Variants in PPFIA2 observed in about 807,000 individuals in gnomAD.
The protein encoded by PPFIA2 is liprin-alpha-2.
In PPFIA2, 46 loss-of-function variants were observed where a neutral mutation model predicts 175.5. That is an observed-to-expected ratio of 0.26 (90% confidence interval 0.21 to 0.34). PPFIA2 has a LOEUF of 0.34. Ranked by LOEUF, PPFIA2 falls within the 10% of genes least tolerant of loss-of-function variation. The pLI is 1.00. For synonymous variants in PPFIA2, 568 were observed against 511.4 expected (o/e 1.11, Z -1.49); for missense variants, 1,179 against 1,506.1 (o/e 0.78, Z 3.60).
At chr12:81,531,012 T>C (rs2064461527) in intron 4 of PPFIA2, among the ~76,000 whole-genome samples, 1 of 151,890 alleles carries the variant, frequency 6.6e-6, no homozygotes, top group South Asian at 2.1e-4. Context: ...ATCTAAGTTG[T>C]TTGACAGACA....
chr12:81,506,810 C>T (rs2061223249), intron 4 of PPFIA2, among the ~76,000 whole-genome samples: 1 of 152,190 alleles, frequency 6.6e-6, no homozygotes, highest in Admixed American at 6.5e-5. Context: ...TGCCACTCAA[C>T]TCTGATGTTA....
At chr12:81,702,361 G>A (rs2076601397) in intron 3 of PPFIA2, among the ~76,000 whole-genome samples, 1 of 151,910 alleles carries the variant, frequency 6.6e-6, no homozygotes, top group Admixed American at 6.6e-5. Context: ...TTTTAATGTT[G>A]TCTTCACTAG....
intron 4 of PPFIA2, among the ~76,000 whole-genome samples, chr12:81,665,406 T>C (rs550920933): frequency 6.6e-6 from 1 of 152,184 alleles, no homozygotes; most frequent in Admixed American, 6.5e-5. Context: ...CACTCAGTGT[T>C]AGCATAAACT....
At chr12:81,648,998 T>C (rs1301862077) in intron 4 of PPFIA2, among the ~76,000 whole-genome samples, 1 of 151,916 alleles carries the variant, frequency 6.6e-6, no homozygotes, top group South Asian at 2.1e-4. Flanking sequence ...AGTCTAAATG[T>C]GAGAGCTAAA....
At chr12:81,485,844 T>C (rs936397810) in intron 4 of PPFIA2, among the ~76,000 whole-genome samples, 2 of 151,888 alleles carry the variant, frequency 1.3e-5, no homozygotes, top group Admixed American at 6.6e-5. Context: ...GTTAAATGTA[T>C]AATAATATAA....
chr12:81,289,792 T>C (rs546591172), intron 24 of PPFIA2, among the ~76,000 whole-genome samples: 1 of 151,898 alleles, frequency 6.6e-6, no homozygotes, highest in Non-Finnish European at 1.5e-5. Flanking sequence ...AACATTTCTG[T>C]AATTTTTACC....
chr12:81,303,759 G>T (rs575284976), intron 22 of PPFIA2, among the ~76,000 whole-genome samples: 2 of 152,282 alleles, frequency 1.3e-5, no homozygotes, highest in African/African-American at 4.8e-5. Context: ...AACAAAGGGT[G>T]TGCAGTCAAG....
chr12:81,680,230 G>A (rs939179229), intron 3 of PPFIA2, among the ~76,000 whole-genome samples: 1 of 151,898 alleles, frequency 6.6e-6, no homozygotes, highest in African/African-American at 2.4e-5. Flanking sequence ...GTCATCATTT[G>A]TATCTAATAG....
intron 23 of PPFIA2, among the ~76,000 whole-genome samples, chr12:81,296,959 T>C (rs2046609042): frequency 6.6e-6 from 1 of 152,192 alleles, no homozygotes. Flanking sequence ...GGGATGTCAC[T>C]TTCCAGTTTA....
chr12:81,566,237 G>T (rs556548524), intron 4 of PPFIA2, among the ~76,000 whole-genome samples: 1 of 152,046 alleles, frequency 6.6e-6, no homozygotes, highest in Admixed American at 6.5e-5. Context: ...GTACATGTAC[G>T]TTTTGGCCGG....
intron 24 of PPFIA2, among the ~76,000 whole-genome samples, chr12:81,294,175 T>C (rs1283580285): frequency 1.3e-5 from 2 of 151,920 alleles, no homozygotes; most frequent in Non-Finnish European, 2.9e-5. Context: ...GTTTGAAAAA[T>C]TACCCATTGG....
intron 24 of PPFIA2, among the ~76,000 whole-genome samples, chr12:81,290,219 A>G (rs1019021895): frequency 4.0e-5 from 6 of 150,898 alleles, no homozygotes; most frequent in African/African-American, 1.5e-4. Context: ...ATCTAAACAA[A>G]CTGTAGTGTT....
intron 4 of PPFIA2, among the ~76,000 whole-genome samples, chr12:81,614,213 T>C (rs1037429775): frequency 3.3e-5 from 5 of 151,962 alleles, no homozygotes; most frequent in African/African-American, 1.2e-4. Context: ...ATTCACAGAG[T>C]ATTGGGGGAA....
At chr12:81,390,274 T>G (rs1012460663) in intron 8 of PPFIA2, among the ~76,000 whole-genome samples, 2 of 152,030 alleles carry the variant, frequency 1.3e-5, no homozygotes, top group African/African-American at 4.8e-5. Flanking sequence ...TACGGACAAA[T>G]GTTTTCAGTT....
In PPFIA2 at chr12:81,722,080, G is replaced by A. The variant is rs188295463; in HGVS notation, c.249+31893C>T. On this transcript the variant is annotated intron_variant, in intron 3 of 32. Transcript: ENST00000549396. ...GGAAAAAAAAATCAGTGTTTCATAGGACACTTTCCTCAGGGCATTTAGATC... is the reference window on the plus strand; with the variant it reads ...GGAAAAAAAAATCAGTGTTTCATAGAACACTTTCCTCAGGGCATTTAGATC... Among the ~76,000 whole-genome samples, 356 of 150,888 alleles carry A rather than the reference G, an allele frequency of 2.4e-3. 2 individuals are homozygous for A. The highest frequency in any genetic ancestry group is 8.4e-3 in the African/African-American group (345 of 41,312).
In PPFIA2 at chr12:81,445,536, A is replaced by G; in HGVS notation, c.570+20T>C. On this transcript the variant is annotated intron_variant, in intron 6 of 32. Transcript: ENST00000549396. ...ATGACAGAAGTGTAGTTAAGCTTGAACTCTTTTTCCATACTATACCTTTTC... is the reference window on the plus strand; with the variant it reads ...ATGACAGAAGTGTAGTTAAGCTTGAGCTCTTTTTCCATACTATACCTTTTC... 1 of 1,605,090 alleles carries G rather than the reference A, an allele frequency of 6.2e-7. No individual in the cohort carries two copies. The highest frequency in any genetic ancestry group is 8.5e-7 in the Non-Finnish European group (1 of 1,175,532).
intron 14 of PPFIA2, among the ~76,000 whole-genome samples, chr12:81,363,956 G>A (rs1179582411): frequency 1.3e-5 from 2 of 151,858 alleles, no homozygotes; most frequent in Non-Finnish European, 2.9e-5. Flanking sequence ...GCTGACAAAT[G>A]TCTTGCCCTC....
At chr12:81,385,600 C>T (rs1016400424) in intron 8 of PPFIA2, among the ~76,000 whole-genome samples, 2 of 151,918 alleles carry the variant, frequency 1.3e-5, no homozygotes, top group African/African-American at 4.8e-5. Context: ...GTGAAATAAG[C>T]CAGGCACAGA....
chr12:81,551,906 T>C (rs1034862581), intron 4 of PPFIA2, among the ~76,000 whole-genome samples: 4 of 151,868 alleles, frequency 2.6e-5, no homozygotes, highest in African/African-American at 9.7e-5. Flanking sequence ...ACAACTGGAT[T>C]AATTACTTTA....
Sources: allele counts gnomAD v4.1 joint callset (sites outside exome capture counted in the v4.1 genomes callset), GRCh38; gene constraint gnomAD v4.1.1; transcripts MANE v1.5; gene names NCBI Gene and HGNC (gene_info 2026-07-23, HGNC 2026-07-21).